Variants in PXDNL observed in about 807,000 individuals in gnomAD.
PXDNL encodes probable oxidoreductase PXDNL.
PXDNL carries 145 observed loss-of-function variants against 150.8 expected under a neutral mutation model. The observed-to-expected ratio is 0.96, with a 90% confidence interval of 0.84 to 1.10. PXDNL has a LOEUF of 1.10. Among genes scored for constraint, PXDNL ranks in the 50% least tolerant of loss-of-function variants. PXDNL has a pLI of 0.00. For synonymous variants in PXDNL, 757 were observed against 725.7 expected (o/e 1.04, Z -0.69); for missense variants, 2,087 against 1,873.9 (o/e 1.11, Z -2.10).
At chr8:51,660,002 G>T (rs1005804403) in intron 1 of PXDNL, among the ~76,000 whole-genome samples, 1 of 151,818 alleles carries the variant, frequency 6.6e-6, no homozygotes, top group African/African-American at 2.4e-5. Flanking sequence ...CGATTCTCCT[G>T]CCTTAGCCCC....
chr8:51,600,109 T>C (rs1041832289), intron 2 of PXDNL, among the ~76,000 whole-genome samples: 3 of 145,468 alleles, frequency 2.1e-5, no homozygotes, highest in African/African-American at 7.5e-5. Context: ...AATTATATCA[T>C]ATAAATTATA....
chr8:51,367,467 T>A (rs1002877902), intron 19 of PXDNL, among the ~76,000 whole-genome samples: 1 of 152,212 alleles, frequency 6.6e-6, no homozygotes, highest in Non-Finnish European at 1.5e-5. Context: ...TTAATATAAT[T>A]GTTTGTGGAA....
intron 1 of PXDNL, among the ~76,000 whole-genome samples, chr8:51,740,314 C>G (rs915662383): frequency 3.3e-5 from 5 of 152,178 alleles, no homozygotes; most frequent in Non-Finnish European, 5.9e-5. Context: ...ATCTTTATAA[C>G]AGAATGATTT....
intron 2 of PXDNL, among the ~76,000 whole-genome samples, chr8:51,649,250 G>A (rs1163413909): frequency 6.6e-6 from 1 of 152,116 alleles, no homozygotes; most frequent in Non-Finnish European, 1.5e-5. Flanking sequence ...ATAGACCCCA[G>A]CCTTGGTTTA....
At chr8:51,564,010 G>A (rs988565797) in intron 3 of PXDNL, among the ~76,000 whole-genome samples, 1 of 152,030 alleles carries the variant, frequency 6.6e-6, no homozygotes, top group East Asian at 1.9e-4. Context: ...AAATCTAAAA[G>A]TCATGAAAAA....
At chr8:51,520,503 AC>A (rs1811639724) in intron 4 of PXDNL, among the ~76,000 whole-genome samples, 1 of 151,928 alleles carries the variant, frequency 6.6e-6, no homozygotes, top group Non-Finnish European at 1.5e-5. Context: ...CACCCAGAGG[AC>A]CCAAATCTCC....
chr8:51,357,351 A>G (rs1268086426), intron 19 of PXDNL, among the ~76,000 whole-genome samples: 2 of 152,206 alleles, frequency 1.3e-5, no homozygotes, highest in Non-Finnish European at 2.9e-5. Flanking sequence ...ATGTTTCCAC[A>G]TTCTCTGGTA....
chr8:51,701,182 T>C (rs964887617), intron 1 of PXDNL, among the ~76,000 whole-genome samples: 2 of 152,130 alleles, frequency 1.3e-5, no homozygotes, highest in African/African-American at 2.4e-5. Context: ...ATTGTATGAA[T>C]TATTATTAGC....
intron 2 of PXDNL, among the ~76,000 whole-genome samples, chr8:51,624,662 A>ATATATAT (rs898964652): frequency 6.7e-6 from 1 of 148,308 alleles, no homozygotes; most frequent in South Asian, 2.1e-4. Context: ...TTCTGATGAT[A>ATATATAT]TATATATTAT....
At chr8:51,640,945 C>T (rs1456548211) in intron 2 of PXDNL, among the ~76,000 whole-genome samples, 1 of 152,160 alleles carries the variant, frequency 6.6e-6, no homozygotes, top group Non-Finnish European at 1.5e-5. Flanking sequence ...CGCTACCTGA[C>T]TTCAAACTAT....
chr8:51,442,379 G>A (rs2129893589), intron 12 of PXDNL, among the ~76,000 whole-genome samples: 1 of 151,026 alleles, frequency 6.6e-6, no homozygotes, highest in Admixed American at 6.6e-5. Context: ...TAATGTTGAT[G>A]ACTTATCACT....
Position 51,654,662 on chromosome 8 carries a change from C to G in PXDNL, c.236+27G>C, listed in dbSNP as rs11989561. The G allele has an allele frequency of 3.3e-3, 5,130 of 1,570,852 alleles. 150 individuals are homozygous for G. The African/African-American group carries it at 0.063, about 19-fold the overall frequency. On this transcript the variant is annotated intron_variant, in intron 2 of 22. Coordinates refer to ENST00000356297, the MANE Select transcript of PXDNL (RefSeq NM_144651.5). Reference sequence around the variant, plus strand: ...TCCAACCAGCATATAATTTTAGGAACCTTACAGATAAGCAATAAGTACTCA... The same window carrying G: ...TCCAACCAGCATATAATTTTAGGAAGCTTACAGATAAGCAATAAGTACTCA...
At chr8:51,718,184 T>C (rs1392122518) in intron 1 of PXDNL, among the ~76,000 whole-genome samples, 3 of 152,016 alleles carry the variant, frequency 2.0e-5, no homozygotes, top group African/African-American at 7.2e-5. Flanking sequence ...CTGGGATTGA[T>C]TGTCCCAAGC....
chr8:51,489,567 T>G (rs1810843964), intron 5 of PXDNL, among the ~76,000 whole-genome samples: 1 of 152,182 alleles, frequency 6.6e-6, no homozygotes, highest in African/African-American at 2.4e-5. Context: ...ATCCTCCCAC[T>G]TCAGCCTCTC....
At chr8:51,779,621 C>T (rs763516119) in intron 1 of PXDNL, among the ~76,000 whole-genome samples, 31 of 152,280 alleles carry the variant, frequency 2.0e-4, no homozygotes, top group African/African-American at 3.1e-4. Flanking sequence ...GCTGATGGCA[C>T]GCAGCTCCCA....
chr8:51,394,054 C>T (rs1334977081), intron 17 of PXDNL, among the ~76,000 whole-genome samples: 2 of 152,092 alleles, frequency 1.3e-5, no homozygotes, highest in Non-Finnish European at 2.9e-5. Context: ...TTGACAACTC[C>T]GTGTCCTTGG....
intron 4 of PXDNL, among the ~76,000 whole-genome samples, chr8:51,546,525 G>T (rs1380508814): frequency 2.0e-5 from 3 of 152,198 alleles, no homozygotes; most frequent in Non-Finnish European, 4.4e-5. Context: ...GGGAAGGGAA[G>T]GCAGCTAGCA....
chr8:51,412,621 C>T (rs143888359), intron 15 of PXDNL, among the ~76,000 whole-genome samples: 64 of 152,262 alleles, frequency 4.2e-4, no homozygotes, highest in African/African-American at 1.4e-3. Flanking sequence ...ATACTTTATC[C>T]GATTATGATG....
intron 17 of PXDNL, among the ~76,000 whole-genome samples, chr8:51,386,097 CT>C (rs372663749): frequency 1.9e-3 from 270 of 145,884 alleles, no homozygotes; most frequent in Admixed American, 2.4e-3. Context: ...GTGATTCATT[CT>C]TTTTTTTTTT....
Sources: gnomAD v4.1 joint callset for allele counts (sites outside exome capture counted in the v4.1 genomes callset) on GRCh38, gnomAD v4.1.1 for gene constraint, MANE v1.5 for transcripts, NCBI Gene and HGNC (gene_info 2026-07-23, HGNC 2026-07-21) for gene names.